INPP4B: variants seen among roughly 807,000 people sequenced by gnomAD.
The protein encoded by INPP4B is inositol polyphosphate-4-phosphatase type II B, also known as inositol polyphosphate 4-phosphatase type II.
In INPP4B, 55 loss-of-function variants were observed where a neutral mutation model predicts 122.5. The ratio of observed to expected loss-of-function variants is 0.45; its 90% CI spans 0.36 to 0.56. The LOEUF (loss-of-function observed/expected upper bound fraction) is 0.56. INPP4B is among the 20% of genes least tolerant of loss of function. INPP4B has a pLI of 0.00. For synonymous variants in INPP4B, 403 were observed against 388.7 expected (o/e 1.04, Z -0.43); for missense variants, 1,000 against 1,097.7 (o/e 0.91, Z 1.26).
At chr4:142,537,087 C>T (rs905713675) in intron 2 of INPP4B, among the ~76,000 whole-genome samples, 1 of 151,964 alleles carries the variant, frequency 6.6e-6, no homozygotes, top group African/African-American at 2.4e-5. Flanking sequence ...GAGCCACTGC[C>T]CCCGGCCAGG....
chr4:142,796,858 C>A (rs987226226), intron 1 of INPP4B, among the ~76,000 whole-genome samples: 2 of 139,840 alleles, frequency 1.4e-5, no homozygotes, highest in Admixed American at 7.2e-5. Flanking sequence ...GAAACTGATG[C>A]GGAAAACAGA....
At chr4:142,457,328 T>C (rs1470502715) in intron 3 of INPP4B, among the ~76,000 whole-genome samples, 1 of 152,054 alleles carries the variant, frequency 6.6e-6, no homozygotes, top group Non-Finnish European at 1.5e-5. Flanking sequence ...AAGACACTGT[T>C]GAGAAAATGA....
chr4:142,065,749 A>C (rs79424377), intron 25 of INPP4B, among the ~76,000 whole-genome samples: 2,382 of 152,274 alleles, frequency 0.016, 79 homozygotes, highest in African/African-American at 0.055. Flanking sequence ...TACTAAAATT[A>C]TTGTAGTGAT....
At chr4:142,562,029 C>T (rs1730587708) in intron 2 of INPP4B, among the ~76,000 whole-genome samples, 1 of 151,340 alleles carries the variant, frequency 6.6e-6, no homozygotes, top group Non-Finnish European at 1.5e-5. Flanking sequence ...TCACTTCTCA[C>T]AGGGGGAAAA....
At position 142,037,063 on chromosome 4, in the gene INPP4B, T is replaced by C. The variant is rs140647226; in HGVS notation, c.2643-8149A>G. Among the ~76,000 whole-genome samples the C allele has an allele frequency of 9.1e-4, 139 of 152,328 alleles. 2 individuals carry two copies. In the East Asian group the frequency reaches 0.023, roughly 25 times the overall value. ...ACTCTGGCATTCCAATGTCATTAGT[T>C]TTGGCCATCACCGTGGAAGCAAATC... On this transcript the variant is annotated intron_variant, in intron 25 of 25. Coordinates refer to ENST00000262992, the MANE Select transcript of INPP4B (RefSeq NM_001101669.3).
chr4:142,692,321 G>A (rs936231441), intron 2 of INPP4B, among the ~76,000 whole-genome samples: 3 of 152,120 alleles, frequency 2.0e-5, no homozygotes, highest in African/African-American at 4.8e-5. Context: ...ATATTAATAG[G>A]AAGTATCCTT....
intron 2 of INPP4B, among the ~76,000 whole-genome samples, chr4:142,531,910 TATTG>T (rs544515977): frequency 1.3e-5 from 2 of 152,166 alleles, no homozygotes; most frequent in Non-Finnish European, 2.9e-5. Context: ...ATATAAACAT[TATTG>T]ATTTACTTTT....
intron 1 of INPP4B, among the ~76,000 whole-genome samples, chr4:142,760,145 G>A (rs1771111352): frequency 1.3e-5 from 2 of 152,070 alleles, no homozygotes; most frequent in Non-Finnish European, 1.5e-5. Context: ...AACTGCCAAA[G>A]TTCACAAATA....
At chr4:142,420,378 A>T (rs763242659) in intron 5 of INPP4B, among the ~76,000 whole-genome samples, 3 of 152,090 alleles carry the variant, frequency 2.0e-5, no homozygotes, top group Non-Finnish European at 2.9e-5. Flanking sequence ...TTATTAATTG[A>T]TGTATCATAT....
intron 14 of INPP4B, 134 bp from the exon 15 acceptor site, chr4:142,193,329 T>C (rs992256): frequency 0.046 from 26,491 of 581,478 alleles, 1,784 homozygotes; most frequent in East Asian, 0.21. Flanking sequence ...AACTATGAAC[T>C]CACATCTCAA....
At chr4:142,605,076 C>T (rs543167348) in intron 2 of INPP4B, among the ~76,000 whole-genome samples, 3 of 152,042 alleles carry the variant, frequency 2.0e-5, no homozygotes, top group African/African-American at 7.2e-5. Flanking sequence ...ATATTTATAG[C>T]CAACTGATCT....
chr4:142,592,812 C>T (rs1737795270), intron 2 of INPP4B, among the ~76,000 whole-genome samples: 2 of 151,962 alleles, frequency 1.3e-5, no homozygotes, highest in South Asian at 2.1e-4. Flanking sequence ...GATCAAAGAC[C>T]GTCATAGGCT....
At chr4:142,500,370 G>C (rs1823211090) in intron 2 of INPP4B, among the ~76,000 whole-genome samples, 1 of 152,178 alleles carries the variant, frequency 6.6e-6, no homozygotes, top group Non-Finnish European at 1.5e-5. Flanking sequence ...TGAAAACTGA[G>C]AGGTTTTATC....
chr4:142,556,731 C>T (rs1174725274), intron 2 of INPP4B, among the ~76,000 whole-genome samples: 1 of 152,056 alleles, frequency 6.6e-6, no homozygotes, highest in Non-Finnish European at 1.5e-5. Context: ...TTTAAATCAC[C>T]TAAGACAGTT....
chr4:142,214,782 A>C (rs1846371349), intron 12 of INPP4B, among the ~76,000 whole-genome samples: 1 of 152,072 alleles, frequency 6.6e-6, no homozygotes, highest in Non-Finnish European at 1.5e-5. Flanking sequence ...CGAACTCCTG[A>C]CCTCAGGTGA....
intron 25 of INPP4B, among the ~76,000 whole-genome samples, chr4:142,055,492 T>C (rs1476296306): frequency 6.6e-6 from 1 of 152,092 alleles, no homozygotes; most frequent in Non-Finnish European, 1.5e-5. Context: ...TTATATGCAC[T>C]TTAAAATTAG....
At chr4:142,606,043 C>T (rs955905781) in intron 2 of INPP4B, among the ~76,000 whole-genome samples, 1 of 151,880 alleles carries the variant, frequency 6.6e-6, no homozygotes, top group Non-Finnish European at 1.5e-5. Flanking sequence ...TATACATATG[C>T]AATAGAATAC....
chr4:142,367,186 ATATGTGTGTGTGTGTGTGTGTG>A (rs1787839592), intron 7 of INPP4B, among the ~76,000 whole-genome samples: 1 of 106,496 alleles, frequency 9.4e-6, no homozygotes, highest in African/African-American at 3.2e-5. Context: ...TATACATGTA[ATATGTGTGTGTGTGTGTGTGTG>A]TGTGTGTGTG....
At chr4:142,426,362 A>G (rs1057021932) in intron 5 of INPP4B, 3 of 152,042 alleles carry the variant, frequency 2.0e-5, no homozygotes, top group Non-Finnish European at 4.4e-5. Context: ...AAATCAAAAC[A>G]ATTTTATTAA....
Sources: allele counts gnomAD v4.1 joint callset (sites outside exome capture counted in the v4.1 genomes callset), GRCh38; gene constraint gnomAD v4.1.1; transcripts MANE v1.5; gene names NCBI Gene and HGNC (gene_info 2026-07-23, HGNC 2026-07-21).